WDR81: variants seen among roughly 807,000 people sequenced by gnomAD.
The protein encoded by WDR81 is WD repeat-containing protein 81.
A neutral mutation model predicts 140.8 loss-of-function variants in WDR81; 92 were observed. The ratio of observed to expected loss-of-function variants is 0.65; its 90% CI spans 0.55 to 0.78. WDR81 has a LOEUF of 0.78. Among genes scored for constraint, WDR81 ranks in the 30% least tolerant of loss-of-function variants. WDR81 has a pLI of 0.00. For synonymous variants in WDR81, 1,183 were observed against 1,156.4 expected, an observed-to-expected ratio of 1.02 and a Z score of -0.47; for missense variants, 2,502 against 2,636.4, an observed-to-expected ratio of 0.95 and a Z score of 1.12.
At chr17:1,719,267 C>G (rs562183808) in intron 1 of WDR81, among the ~76,000 whole-genome samples, 2 of 152,240 alleles carry the variant, frequency 1.3e-5, no homozygotes, top group East Asian at 3.9e-4. Flanking sequence ...TAAAAATGTG[C>G]CCGGGCGCGG....
intron 9 of WDR81, 37 bp from the exon 10 acceptor site, chr17:1,737,328 C>T: frequency 6.4e-7 from 1 of 1,560,570 alleles, no homozygotes; most frequent in Non-Finnish European, 8.7e-7. Flanking sequence ...TGCAGAAGGA[C>T]CCAGGCTCCT....
chr17:1,721,221 T>G (rs1051611040), upstream of WDR81, among the ~76,000 whole-genome samples: 1 of 152,108 alleles, frequency 6.6e-6, no homozygotes, highest in African/African-American at 2.4e-5. Context: ...TAGCTAGGCG[T>G]GGTAGCAGGC....
In WDR81 at chr17:1,725,778, C is replaced by T; in HGVS notation, c.819C>T (p.Ala273=). The T allele has an allele frequency of 1.3e-6, 2 of 1,550,688 alleles. No individual in the cohort carries two copies. The highest frequency in any genetic ancestry group is 1.7e-6 in the Non-Finnish European group (2 of 1,147,024). ...ILFRVLRAMD[A]CHRQGLACGA... ...TCCGCGTGCTGAGGGCTATGGACGC[C>T]TGTCACCGCCAGGGGCTGGCGTGTG... is the stretch of plus-strand genomic sequence containing the variant. Residue 273 remains alanine (A), a synonymous_variant, in exon 1 of 10, where the codon GCC becomes GCT. Transcript: ENST00000409644.
upstream of WDR81, among the ~76,000 whole-genome samples, chr17:1,723,274 G>A (rs1914973016): frequency 6.6e-6 from 1 of 152,080 alleles, no homozygotes; most frequent in South Asian, 2.1e-4. Context: ...GGCAGGCTCT[G>A]TGGTACCGCA....
intron 7 of WDR81, among the ~76,000 whole-genome samples, 180 bp downstream of exon 7, chr17:1,734,396 G>A (rs963986906): frequency 3.9e-5 from 6 of 152,250 alleles, no homozygotes; most frequent in Non-Finnish European, 8.8e-5. Flanking sequence ...GGCTCCACCG[G>A]CTTACTTGCT....
chr17:1,725,620 G>A lies in WDR81; in HGVS notation c.661G>A (p.Ala221Thr), dbSNP rs1375240756. The A allele has an allele frequency of 1.3e-6, 2 of 1,545,268 alleles. No homozygotes were observed. Among genetic ancestry groups the A allele is most frequent in the African/African-American group, 2.7e-5 (2 of 73,050 alleles). The change falls in exon 1 of 10, where the codon GCT (alanine) becomes ACT (threonine). Residue 221 changes from alanine to threonine, a missense_variant. By Grantham distance (58) the Ala-to-Thr change is moderately conservative (BLOSUM62 0). Transcript: ENST00000409644. ...GSPACPSLLR[A>T]EALLESPEML... ...CCCTGCTTGCCCTAGTCTTTTACGG[G>A]CTGAGGCCTTGCTGGAGTCGCCGGA...
Position 1,735,631 on chromosome 17 carries a change from G to A in WDR81, c.5239G>A (p.Val1747Ile), listed in dbSNP as rs753077107. Reference protein sequence around the residue: ...DSRVPLTAVAVMPAPHTSITM... With the variant: ...DSRVPLTAVAIMPAPHTSITM... The stretch of plus-strand genomic sequence containing the variant: ...CCGGGTGCCCCTGACTGCGGTGGCT[G>A]TCATGCCCGCCCCCCACACCAGCAT... Residue 1747 changes from valine (V) to isoleucine (I), a missense_variant, in exon 8 of 10, where the codon GTC becomes ATC. Val to Ile is a conservative substitution (Grantham distance 29). Transcript: ENST00000409644. This position sits in a 1 kb window ranked among gnomAD's most constrained non-coding sequence, Gnocchi z 4.2. The A allele has an allele frequency of 2.5e-6, 4 of 1,612,820 alleles. No individual in the cohort carries two copies. The highest frequency in any genetic ancestry group is 2.7e-5 in the African/African-American group (2 of 74,910).
At position 1,735,617 on chromosome 17, in the gene WDR81, T is replaced by C. The variant is rs1224382125; in HGVS notation, c.5225T>C (p.Leu1742Pro). ...TVEPLDSRVP[L>P]TAVAVMPAPH... ...GAGCCGCTGGACAGCCGGGTGCCCC[T>C]GACTGCGGTGGCTGTCATGCCCGCC... Residue 1742 changes from leucine (L) to proline (P), a missense_variant, in exon 8 of 10, where the codon CTG (leucine) becomes CCG (proline). Coordinates refer to ENST00000409644, the MANE Select transcript of WDR81 (RefSeq NM_001163809.2). The surrounding 1 kb of genome is among the most constrained non-coding windows in gnomAD (Gnocchi z 4.2). The C allele has an allele frequency of 1.2e-6, 2 of 1,612,696 alleles. No homozygotes were observed. The highest frequency in any genetic ancestry group is 1.7e-6 in the Non-Finnish European group (2 of 1,179,934).
chr17:1,727,819 G>A lies in WDR81; in HGVS notation c.2860G>A (p.Gly954Ser). The change falls in exon 1 of 10, where the codon GGC becomes AGC. Residue 954 changes from glycine (G) to serine (S), a missense_variant. Transcript: ENST00000409644. Reference sequence around the variant, plus strand: ...GTTTGAGCCTGTTGCCAAGGCACTGGGCCCCAAAAATGCCAATAAGTACCT... The same window carrying A: ...GTTTGAGCCTGTTGCCAAGGCACTGAGCCCCAAAAATGCCAATAAGTACCT... ...YLFEPVAKALGPKNANKYLLK... is the reference protein window; with the variant it reads ...YLFEPVAKALSPKNANKYLLK... The A allele has an allele frequency of 6.4e-7, 1 of 1,550,640 alleles. No individual in the cohort carries two copies. Among genetic ancestry groups the A allele is most frequent in the South Asian group, 1.2e-5 (1 of 84,062 alleles).
At chr17:1,722,311 A>C (rs1914909606), upstream of WDR81, among the ~76,000 whole-genome samples, 1 of 151,716 alleles carries the variant, frequency 6.6e-6, no homozygotes, top group Non-Finnish European at 1.5e-5. Flanking sequence ...GACAGATGAA[A>C]TCAGATCATG....
intron 4 of WDR81, 74 bp from the exon 5 acceptor site, chr17:1,732,247 AAAAT>A (rs1399388661): frequency 2.1e-5 from 32 of 1,555,084 alleles, no homozygotes; most frequent in Non-Finnish European, 2.4e-5. Flanking sequence ...AATAAAAATA[AAAAT>A]AAATAAAGAT....
In WDR81 at chr17:1,732,314, T is replaced by C; in HGVS notation, c.4158-11T>C. 6.2e-7 allele frequency: 1 copy of C among 1,612,606 alleles called. No homozygotes were observed. Among genetic ancestry groups the C allele is most frequent in the Non-Finnish European group, 8.5e-7 (1 of 1,179,704 alleles). ...GAACGGCGGGCTGGAGCTCATGAGC[T>C]CTGTTTCCAGGTTCCCAAGTGGGGC... On this transcript the variant is annotated splice_polypyrimidine_tract_variant and intron_variant, in intron 4 of 9. Transcript: ENST00000409644.
In WDR81 at chr17:1,726,685, G is replaced by C; in HGVS notation, c.1726G>C (p.Ala576Pro). Residue 576 changes from alanine (A) to proline (P), a missense_variant, in exon 1 of 10, where the codon GCC becomes CCC. Ala to Pro is a conservative substitution (Grantham distance 27). Around this residue, in one of 3 missense-constraint regions of WDR81, gnomAD observed 1,737 missense variants for 1,843.0 expected, o/e 0.94. Transcript: ENST00000409644. The stretch of plus-strand genomic sequence containing the variant: ...CCTGGTGGACGCCCACACTCACCTG[G>C]CCAGCTACGGGGTGGTGCAGCTCTT... ...LHLVDAHTHLASYGVVQLFDQ... is the reference protein window; with the variant it reads ...LHLVDAHTHLPSYGVVQLFDQ... The C allele has an allele frequency of 6.5e-7, 1 of 1,549,782 alleles. No homozygotes were observed. Among genetic ancestry groups the C allele is most frequent in the Non-Finnish European group, 8.7e-7 (1 of 1,146,964 alleles).
chr17:1,725,075 G>T lies in WDR81; in HGVS notation c.116G>T (p.Ser39Ile). 1 of 1,492,090 alleles carries T rather than the reference G, an allele frequency of 6.7e-7. No homozygotes were observed. The highest frequency in any genetic ancestry group is 1.4e-5 in the African/African-American group (1 of 72,012). The allele number at this position is 1,492,090 out of a possible 1,614,324, so 92.4% of individuals were successfully genotyped here. A position where few individuals can be genotyped will look rare whatever the true frequency, so the allele number is the denominator to read the frequency against. ...ELLRSVERDL[S>I]IDPRQLAPAP... Reference sequence around the variant, plus strand: ...CTCCGGAGCGTGGAGAGGGACCTGAGCATCGATCCCAGGCAGCTGGCTCCG... The same window carrying T: ...CTCCGGAGCGTGGAGAGGGACCTGATCATCGATCCCAGGCAGCTGGCTCCG... Residue 39 changes from serine to isoleucine, a missense_variant, in exon 1 of 10, where the codon AGC (serine) becomes ATC (isoleucine). Ser to Ile is a moderately radical substitution (Grantham distance 142). Transcript: ENST00000409644.
At chr17:1,728,666 T>C in intron 1 of WDR81, 40 bp downstream of exon 1, 1 of 1,443,150 alleles carries the variant, frequency 6.9e-7, no homozygotes, top group Non-Finnish European at 9.1e-7. Flanking sequence ...CAAAAACACC[T>C]CCTGCTGGCC....
In WDR81 at chr17:1,737,820, A is replaced by G; in HGVS notation, c.*135A>G. The G allele has an allele frequency of 8.7e-7, 1 of 1,149,192 alleles. No homozygotes were observed. The highest frequency in any genetic ancestry group is 1.2e-6 in the Non-Finnish European group (1 of 836,820). The allele number at this position is 1,149,192 out of a possible 1,614,324, so 71.2% of individuals were successfully genotyped here. A position where few individuals can be genotyped will look rare whatever the true frequency, so the allele number is the denominator to read the frequency against. On this transcript the variant is annotated 3_prime_UTR_variant, in exon 10 of 10. Coordinates refer to ENST00000409644, the MANE Select transcript of WDR81 (RefSeq NM_001163809.2). ...CCCTGGGTGCCCACATGGCCTGCCA[A>G]CTAGGGCCTGCAAATGGAGTGGGGG...
chr17:1,724,862 GC>G lies in WDR81; in HGVS notation c.-95del. ...GCCTCCGCCCCAGCCCCTGTCCCGC[GC>G]CCATCCCAGCCCCGCCGGCCTGGCA... On this transcript the variant is annotated 5_prime_UTR_variant, in exon 1 of 10. Coordinates refer to ENST00000409644, the MANE Select transcript of WDR81 (RefSeq NM_001163809.2). 8.0e-7 allele frequency: 1 copy of G among 1,242,574 alleles called. No homozygotes were observed. Among genetic ancestry groups the G allele is most frequent in the South Asian group, 3.5e-5 (1 of 28,486 alleles). The allele number at this position is 1,242,574 out of a possible 1,614,324, so 77.0% of individuals were successfully genotyped here.
At chr17:1,718,714 A>G (rs893712865) in intron 1 of WDR81, among the ~76,000 whole-genome samples, 1 of 152,234 alleles carries the variant, frequency 6.6e-6, no homozygotes, top group Non-Finnish European at 1.5e-5. Flanking sequence ...GAAATTGAGC[A>G]GGGCCCTGGC....
In WDR81 at chr17:1,737,653, T is replaced by A; in HGVS notation, c.5794T>A (p.Ser1932Thr). Reference sequence around the variant, plus strand: ...CACTAAACGCCACCTCCTGCTGGGCTCAGACAACGGGGTTATCCGCCTCCT... The same window carrying A: ...CACTAAACGCCACCTCCTGCTGGGCACAGACAACGGGGTTATCCGCCTCCT... ...LPTKRHLLLG[S>T]DNGVIRLLA Residue 1932 changes from serine to threonine, a missense_variant, in exon 10 of 10, where the codon TCA becomes ACA. By Grantham distance (58) the Ser-to-Thr change is moderately conservative. Transcript: ENST00000409644. 6.2e-7 allele frequency: 1 copy of A among 1,611,906 alleles called. No individual in the cohort carries two copies. Among genetic ancestry groups the A allele is most frequent in the Non-Finnish European group, 8.5e-7 (1 of 1,179,842 alleles).
Sources: gnomAD v4.1 joint callset for allele counts (sites outside exome capture counted in the v4.1 genomes callset) on GRCh38, gnomAD v4.1.1 for gene constraint, gnomAD v4.1.1 regional missense constraint, Gnocchi (gnomAD v3.1) non-coding constraint, MANE v1.5 for transcripts, NCBI Gene and HGNC (gene_info 2026-07-23, HGNC 2026-07-21) for gene names.